The following MOGAT1 variants were observed in gnomAD, a reference collection of about 807,000 sequenced individuals.
MOGAT1 encodes the protein 2-acylglycerol O-acyltransferase 1.
A neutral mutation model predicts 31.4 loss-of-function variants in MOGAT1; 32 were observed. The observed-to-expected ratio is 1.02, with a 90% CI of 0.77 to 1.37. MOGAT1 has a LOEUF of 1.37. Ranked by LOEUF, MOGAT1 falls within the 40% of genes most tolerant of loss-of-function variation. The pLI, the probability that MOGAT1 is intolerant of heterozygous loss-of-function variation, is 0.00. For synonymous variants in MOGAT1, 145 were observed against 144.5 expected (o/e 1.00, Z -0.03); for missense variants, 426 against 402.0 (o/e 1.06, Z -0.51).
chr2:222,699,801 G>GT (rs1298226741), intron 5 of MOGAT1, among the ~76,000 whole-genome samples: 1 of 152,118 alleles, frequency 6.6e-6, no homozygotes, highest in Non-Finnish European at 1.5e-5. Context: ...CCCAGCTTCT[G>GT]TTGGGAGATA....
At position 222,689,306 on chromosome 2, in the gene MOGAT1, A is replaced by G. The variant is rs1692724019; in HGVS notation, c.315A>G (p.Ile105Met). The change falls in exon 3 of 6, where the codon ATA becomes ATG. Residue 105 changes from isoleucine to methionine, a missense_variant. Transcript: ENST00000446656. The stretch of plus-strand genomic sequence containing the variant: ...ATTTGGATCCAAGTCACAACTATAT[A>G]TTTGGGTTTCACCCCCATGGAATAA... Reference protein sequence around the residue: ...TQDLDPSHNYIFGFHPHGIMA... With the variant: ...TQDLDPSHNYMFGFHPHGIMA... The G allele has an allele frequency of 6.2e-7, 1 of 1,613,994 alleles. No homozygotes were observed. Among genetic ancestry groups the G allele is most frequent in the Non-Finnish European group, 8.5e-7 (1 of 1,179,866 alleles).
rs748296277 is a variant in MOGAT1, at chr2:222,695,215, C to T, written c.780C>T (p.Pro260=). 6 of 1,613,576 alleles carry T rather than the reference C, an allele frequency of 3.7e-6. No homozygotes were observed. In the East Asian group the frequency reaches 6.7e-5, roughly 18 times the overall value. The stretch of plus-strand genomic sequence containing the variant: ...AGAAGATCATGGGGTTTGCTTTGCC[C>T]CTGTTTCATGCCAGGGGAGTTTTTC... ...KLQKIMGFAL[P]LFHARGVFQY... Residue 260 remains proline, a synonymous_variant, in exon 5 of 6, where the codon CCC becomes CCT. Coordinates refer to ENST00000446656, the MANE Select transcript of MOGAT1 (RefSeq NM_058165.3).
At chr2:222,705,281 T>C (rs1376150452) in intron 5 of MOGAT1, among the ~76,000 whole-genome samples, 3 of 152,020 alleles carry the variant, frequency 2.0e-5, no homozygotes, top group African/African-American at 7.3e-5. Context: ...TTGTGACTTG[T>C]ATCTTGTGCC....
At chr2:222,688,050 T>C (rs1173684926) in intron 1 of MOGAT1, among the ~76,000 whole-genome samples, 1 of 152,210 alleles carries the variant, frequency 6.6e-6, no homozygotes, top group Non-Finnish European at 1.5e-5. Flanking sequence ...CCTCTACCGA[T>C]TCCTTCCACC....
chr2:222,686,683 G>C (rs1692673966), intron 1 of MOGAT1, among the ~76,000 whole-genome samples: 1 of 152,162 alleles, frequency 6.6e-6, no homozygotes, highest in African/African-American at 2.4e-5. Flanking sequence ...ACCCCACAGA[G>C]GTGTGGAGGA....
intron 5 of MOGAT1, among the ~76,000 whole-genome samples, chr2:222,703,138 TGA>T (rs960744848): frequency 1.1e-4 from 16 of 152,144 alleles, no homozygotes; most frequent in Non-Finnish European, 1.2e-4. Flanking sequence ...GGGCAAGGGC[TGA>T]GTTTATATAT....
At chr2:222,672,550 GTTTTTC>G (rs1692433693) in intron 1 of MOGAT1, among the ~76,000 whole-genome samples, 2 of 152,254 alleles carry the variant, frequency 1.3e-5, no homozygotes, top group South Asian at 4.1e-4. Context: ...AACGTGGGTG[GTTTTTC>G]TTTTTGTTTT....
intron 5 of MOGAT1, among the ~76,000 whole-genome samples, chr2:222,703,281 C>T (rs1423222946): frequency 6.6e-6 from 1 of 152,186 alleles, no homozygotes; most frequent in Non-Finnish European, 1.5e-5. Context: ...CTGGTGATAA[C>T]GTTCCTTCCT....
chr2:222,699,789 C>T (rs1411064568), intron 5 of MOGAT1, among the ~76,000 whole-genome samples: 1 of 152,096 alleles, frequency 6.6e-6, no homozygotes, highest in Middle Eastern at 3.2e-3. Flanking sequence ...TGAGCCACCG[C>T]GCCCAGCTTC....
chr2:222,686,130 T>C (rs1005944712), intron 1 of MOGAT1, among the ~76,000 whole-genome samples: 2 of 152,226 alleles, frequency 1.3e-5, no homozygotes, highest in Admixed American at 1.3e-4. Context: ...CCTGCTTCTT[T>C]ATGCTTACGA....
At chr2:222,694,328 G>A (rs1444495160) in intron 3 of MOGAT1, 34 bp from the exon 4 acceptor site, 1 of 1,535,640 alleles carries the variant, frequency 6.5e-7, no homozygotes, top group Admixed American at 2.0e-5. Context: ...TGTTAGAAAA[G>A]GATAACTAGT....
intron 5 of MOGAT1, among the ~76,000 whole-genome samples, chr2:222,704,509 A>G (rs1274432280): frequency 6.6e-6 from 1 of 152,064 alleles, no homozygotes; most frequent in Non-Finnish European, 1.5e-5. Flanking sequence ...CTGTAGTCCC[A>G]GCTACTCGGG....
intron 3 of MOGAT1, among the ~76,000 whole-genome samples, chr2:222,692,762 C>T (rs774326520): frequency 2.6e-5 from 4 of 152,080 alleles, no homozygotes; most frequent in Admixed American, 2.6e-4. Flanking sequence ...TAAGAAATAG[C>T]AGCATTGAAG....
intron 1 of MOGAT1, among the ~76,000 whole-genome samples, chr2:222,672,556 C>G (rs10199417): frequency 0.85 from 129,855 of 152,124 alleles, 56,312 homozygotes; most frequent in African/African-American, 0.97. Flanking sequence ...GGTGGTTTTT[C>G]TTTTTGTTTT....
intron 1 of MOGAT1, among the ~76,000 whole-genome samples, chr2:222,675,955 A>G (rs73073761): frequency 1.3e-5 from 2 of 152,168 alleles, no homozygotes; most frequent in African/African-American, 4.8e-5. Context: ...GAGATGTTTT[A>G]TTAATGATGT....
At chr2:222,672,305 C>G (rs535497282) in intron 1 of MOGAT1, among the ~76,000 whole-genome samples, 1 of 152,158 alleles carries the variant, frequency 6.6e-6, no homozygotes, top group African/African-American at 2.4e-5. Flanking sequence ...AAACCTTGTT[C>G]CTTCTCCCTC....
chr2:222,701,586 G>C (rs1159068109), intron 5 of MOGAT1, among the ~76,000 whole-genome samples: 2 of 90,340 alleles, frequency 2.2e-5, no homozygotes, highest in East Asian at 5.3e-4. Context: ...GAAAGAAAAA[G>C]AAAGAAAGAA....
intron 5 of MOGAT1, among the ~76,000 whole-genome samples, chr2:222,702,989 G>A (rs144900084): frequency 1.4e-3 from 206 of 152,256 alleles, no homozygotes; most frequent in African/African-American, 4.5e-3. Flanking sequence ...GTGTTGTAGC[G>A]GAGGCAAAAC....
intron 1 of MOGAT1, among the ~76,000 whole-genome samples, chr2:222,673,715 A>T (rs780760297): frequency 1.3e-5 from 2 of 152,154 alleles, no homozygotes; most frequent in African/African-American, 2.4e-5. Flanking sequence ...TTCCTAACCG[A>T]TCATTCAACA....
Sources: gnomAD v4.1 joint callset for allele counts (sites outside exome capture counted in the v4.1 genomes callset) on GRCh38, gnomAD v4.1.1 for gene constraint, MANE v1.5 for transcripts, NCBI Gene and HGNC (gene_info 2026-07-23, HGNC 2026-07-21) for gene names.